SLC25A12: variants seen among roughly 807,000 people sequenced by gnomAD.
SLC25A12 encodes electrogenic aspartate/glutamate antiporter SLC25A12, mitochondrial.
SLC25A12 carries 32 observed loss-of-function variants against 83.3 expected under a neutral mutation model. The ratio of observed to expected loss-of-function variants is 0.38; its 90% confidence interval spans 0.29 to 0.52. The LOEUF (loss-of-function observed/expected upper bound fraction) is 0.52. SLC25A12 is among the 20% of genes least tolerant of loss of function. SLC25A12 has a pLI of 0.84. For synonymous variants in SLC25A12, 267 were observed against 291.1 expected (o/e 0.92, Z 0.84); for missense variants, 611 against 835.6 (o/e 0.73, Z 3.31).
chr2:171,812,282 T>C (rs1214662725), intron 11 of SLC25A12, among the ~76,000 whole-genome samples: 1 of 152,198 alleles, frequency 6.6e-6, no homozygotes, highest in East Asian at 1.9e-4. Flanking sequence ...AATACCTGTA[T>C]ATAATGCTAA....
chr2:171,824,730 A>AT (rs1684263038), intron 9 of SLC25A12, among the ~76,000 whole-genome samples: 1 of 151,546 alleles, frequency 6.6e-6, no homozygotes, highest in South Asian at 2.1e-4. Context: ...ATAAAATTTT[A>AT]TTTTTTTAAA....
At chr2:171,863,520 CGT>C (rs1685213061) in intron 3 of SLC25A12, among the ~76,000 whole-genome samples, 1 of 125,904 alleles carries the variant, frequency 7.9e-6, no homozygotes, top group Non-Finnish European at 1.7e-5. Context: ...AGTGAGACTC[CGT>C]CTCCGACAAA....
chr2:171,831,634 A>C (rs903454746), intron 8 of SLC25A12, among the ~76,000 whole-genome samples: 1 of 152,124 alleles, frequency 6.6e-6, no homozygotes, highest in Non-Finnish European at 1.5e-5. Context: ...GGCTGGGCCC[A>C]GTGGCTCACG....
At chr2:171,827,335 A>G (rs1558921658) in intron 8 of SLC25A12, among the ~76,000 whole-genome samples, 1 of 152,002 alleles carries the variant, frequency 6.6e-6, no homozygotes. Context: ...TGTTCTTTCC[A>G]ACCCTTTGAG....
intron 4 of SLC25A12, among the ~76,000 whole-genome samples, chr2:171,851,223 G>C (rs1684922043): frequency 6.7e-6 from 1 of 150,334 alleles, no homozygotes; most frequent in African/African-American, 2.4e-5. Context: ...AGACGGAGTT[G>C]CACTCTTTCA....
intron 2 of SLC25A12, among the ~76,000 whole-genome samples, chr2:171,871,336 G>A (rs753275490): frequency 3.3e-4 from 50 of 152,158 alleles, no homozygotes; most frequent in Admixed American, 5.9e-4. Flanking sequence ...ATGCCAAGGC[G>A]GCCAGATCAC....
intron 5 of SLC25A12, among the ~76,000 whole-genome samples, chr2:171,839,527 A>G (rs2105891070): frequency 6.6e-6 from 1 of 152,312 alleles, no homozygotes; most frequent in South Asian, 2.1e-4. Flanking sequence ...GAGCTTCAGA[A>G]ACAGTGTGAC....
At chr2:171,870,034 C>T (rs551083247) in intron 2 of SLC25A12, among the ~76,000 whole-genome samples, 1 of 152,106 alleles carries the variant, frequency 6.6e-6, no homozygotes, top group Admixed American at 6.6e-5. Flanking sequence ...TATTGTCTAT[C>T]TCCCAATTAG....
chr2:171,786,029 T>C (rs1244926903), intron 17 of SLC25A12, among the ~76,000 whole-genome samples: 4 of 152,020 alleles, frequency 2.6e-5, no homozygotes, highest in African/African-American at 9.7e-5. Flanking sequence ...GACATAACTT[T>C]AGAAGTTAAC....
chr2:171,881,949 A>T (rs982767060), intron 2 of SLC25A12, among the ~76,000 whole-genome samples: 4 of 152,078 alleles, frequency 2.6e-5, no homozygotes, highest in Non-Finnish European at 5.9e-5. Context: ...TGAGGTGAGG[A>T]TACATTTCTT....
intron 3 of SLC25A12, among the ~76,000 whole-genome samples, chr2:171,861,125 TAAA>T (rs1685150074): frequency 6.6e-6 from 1 of 150,482 alleles, no homozygotes; most frequent in South Asian, 2.1e-4. Flanking sequence ...AAATAAATAA[TAAA>T]ATAATAATAA....
intron 4 of SLC25A12, among the ~76,000 whole-genome samples, chr2:171,850,333 CTTTG>C (rs1385004121): frequency 9.7e-6 from 1 of 103,506 alleles, no homozygotes; most frequent in Admixed American, 1.1e-4. Flanking sequence ...CCAGGCTGGT[CTTTG>C]TTTTTTTTTT....
At position 171,785,531 on chromosome 2, in the gene SLC25A12, T is replaced by C. The variant is rs977405657; in HGVS notation, c.1836-56A>G. The C allele has an allele frequency of 3.3e-6, 5 of 1,519,652 alleles. No homozygotes were observed. In the African/African-American group the frequency reaches 6.8e-5, roughly 21 times the overall value. The allele number at this position is 1,519,652 out of a possible 1,614,324, so 94.1% of individuals were successfully genotyped here. ...ATGCTCAAGGTGGATGAGCGCAGCT[T>C]ACAGCTGGACATTTTCGGTCTGACC... is the stretch of plus-strand genomic sequence containing the variant. On this transcript the variant is annotated intron_variant, in intron 17 of 17. Coordinates refer to ENST00000422440, the MANE Select transcript of SLC25A12 (RefSeq NM_003705.5).
At chr2:171,810,132 G>C in intron 12 of SLC25A12, 92 bp downstream of exon 12, 1 of 1,061,442 alleles carries the variant, frequency 9.4e-7, no homozygotes. Context: ...TGAGATTATA[G>C]GCATGAGCTA....
intron 13 of SLC25A12, among the ~76,000 whole-genome samples, chr2:171,797,784 A>G (rs1683629384): frequency 6.6e-6 from 1 of 152,236 alleles, no homozygotes; most frequent in Non-Finnish European, 1.5e-5. Context: ...TAAGATATAT[A>G]AAATTTTAAA....
chr2:171,882,041 G>A (rs1182321809), intron 2 of SLC25A12, among the ~76,000 whole-genome samples: 2 of 152,188 alleles, frequency 1.3e-5, no homozygotes, highest in African/African-American at 4.8e-5. Context: ...GCACTGGAAT[G>A]TTCTAGAAAG....
chr2:171,806,736 T>C (rs775321759), intron 13 of SLC25A12, among the ~76,000 whole-genome samples: 1 of 152,172 alleles, frequency 6.6e-6, no homozygotes, highest in Admixed American at 6.5e-5. Flanking sequence ...TAACCTGCAA[T>C]AGGTTAATGT....
chr2:171,869,071 A>C (rs1685404809), intron 2 of SLC25A12, among the ~76,000 whole-genome samples: 1 of 152,198 alleles, frequency 6.6e-6, no homozygotes, highest in South Asian at 2.1e-4. Context: ...AAGAAGACAG[A>C]CACTAAAGGC....
intron 17 of SLC25A12, among the ~76,000 whole-genome samples, chr2:171,787,267 G>C (rs1477650506): frequency 6.6e-6 from 1 of 152,180 alleles, no homozygotes; most frequent in Non-Finnish European, 1.5e-5. Context: ...TGAGGCTACG[G>C]TGAGCCAAGA....
Sources: allele counts gnomAD v4.1 joint callset (sites outside exome capture counted in the v4.1 genomes callset), GRCh38; gene constraint gnomAD v4.1.1; transcripts MANE v1.5; gene names NCBI Gene and HGNC (gene_info 2026-07-23, HGNC 2026-07-21).